The following MAST4 variants were observed in gnomAD, a reference collection of about 807,000 sequenced individuals.
MAST4 encodes microtubule-associated serine/threonine-protein kinase 4.
A neutral mutation model predicts 162.7 loss-of-function variants in MAST4; 89 were observed. The observed-to-expected ratio is 0.55, with a 90% CI of 0.46 to 0.65. The LOEUF (loss-of-function observed/expected upper bound fraction) is 0.65. MAST4 is among the 30% of genes least tolerant of loss of function. MAST4 has a pLI of 0.00. For synonymous variants in MAST4, 1,479 were observed against 1,361.1 expected, an observed-to-expected ratio of 1.09 and a Z score of -1.91; for missense variants, 3,153 against 3,374.0, an observed-to-expected ratio of 0.93 and a Z score of 1.62.
chr5:66,923,500 G>A (rs1446067365), intron 4 of MAST4, among the ~76,000 whole-genome samples: 1 of 152,226 alleles, frequency 6.6e-6, no homozygotes, highest in African/African-American at 2.4e-5. Context: ...CATGCAACTG[G>A]TTGGTGAGGG....
At chr5:66,606,457 G>C (rs1323923870) in intron 1 of MAST4, among the ~76,000 whole-genome samples, 2 of 152,138 alleles carry the variant, frequency 1.3e-5, no homozygotes, top group African/African-American at 4.8e-5. Context: ...AAGGTAGAAA[G>C]TGAGTATAAA....
At chr5:67,039,038 C>G (rs1756392485) in intron 4 of MAST4, among the ~76,000 whole-genome samples, 1 of 152,126 alleles carries the variant, frequency 6.6e-6, no homozygotes, top group African/African-American at 2.4e-5. Context: ...ACCACAAAGC[C>G]AAAGGAATGA....
At chr5:66,810,479 G>A (rs1756423656) in intron 3 of MAST4, among the ~76,000 whole-genome samples, 1 of 152,158 alleles carries the variant, frequency 6.6e-6, no homozygotes, top group South Asian at 2.1e-4. Flanking sequence ...TTGAAGAGTG[G>A]CACACATCTA....
chr5:66,861,147 C>T (rs1341457637), intron 3 of MAST4, among the ~76,000 whole-genome samples: 2 of 152,140 alleles, frequency 1.3e-5, no homozygotes, highest in African/African-American at 4.8e-5. Context: ...ATGGGGGATC[C>T]GAGGTATCAG....
At chr5:66,993,104 TA>T (rs1750231276) in intron 4 of MAST4, among the ~76,000 whole-genome samples, 1 of 152,198 alleles carries the variant, frequency 6.6e-6, no homozygotes, top group African/African-American at 2.4e-5. Context: ...CATTTATTAA[TA>T]AACCTTTTAA....
chr5:67,011,522 C>T (rs1581192602), intron 4 of MAST4, among the ~76,000 whole-genome samples: 1 of 152,330 alleles, frequency 6.6e-6, no homozygotes, highest in East Asian at 1.9e-4. Flanking sequence ...GCTAATATTC[C>T]ATGACGCCGT....
chr5:67,064,839 C>T (rs1389603454), intron 5 of MAST4, among the ~76,000 whole-genome samples: 1 of 152,096 alleles, frequency 6.6e-6, no homozygotes, highest in Non-Finnish European at 1.5e-5. Context: ...AGGAGAAGAA[C>T]TCTTGAAAAA....
At chr5:66,921,452 G>A (rs1764528979) in intron 4 of MAST4, among the ~76,000 whole-genome samples, 1 of 151,994 alleles carries the variant, frequency 6.6e-6, no homozygotes, top group African/African-American at 2.4e-5. Flanking sequence ...TGAAAAAATA[G>A]TACAACTAAA....
At chr5:67,130,185 C>T (rs775539012) in intron 14 of MAST4, 25 bp from the exon 15 acceptor site, 4 of 1,594,394 alleles carry the variant, frequency 2.5e-6, no homozygotes, top group Non-Finnish European at 2.6e-6. Context: ...CTCCTGTCAA[C>T]CCCAATACTT....
At chr5:66,665,727 G>A (rs1747211582) in intron 1 of MAST4, among the ~76,000 whole-genome samples, 1 of 152,058 alleles carries the variant, frequency 6.6e-6, no homozygotes, top group South Asian at 2.1e-4. Flanking sequence ...TTCACTTATT[G>A]GGTGTGGAAT....
intron 3 of MAST4, among the ~76,000 whole-genome samples, chr5:66,799,311 C>T (rs1561339366): frequency 6.6e-6 from 1 of 152,146 alleles, no homozygotes; most frequent in Admixed American, 6.5e-5. Flanking sequence ...CACCCCAATC[C>T]AGGTTACATG....
intron 26 of MAST4, among the ~76,000 whole-genome samples, chr5:67,159,617 T>G (rs1016916033): frequency 6.6e-6 from 1 of 152,184 alleles, no homozygotes; most frequent in Non-Finnish European, 1.5e-5. Context: ...AAGGACAGGT[T>G]TCTCCCCTGG....
At chr5:67,048,263 T>G (rs1439303423) in intron 4 of MAST4, among the ~76,000 whole-genome samples, 1 of 152,166 alleles carries the variant, frequency 6.6e-6, no homozygotes, top group African/African-American at 2.4e-5. Context: ...TAAAATTTGC[T>G]TCAAAGGAAT....
At chr5:67,026,129 G>A (rs1008780191) in intron 4 of MAST4, among the ~76,000 whole-genome samples, 2 of 152,216 alleles carry the variant, frequency 1.3e-5, no homozygotes, top group Non-Finnish European at 1.5e-5. Flanking sequence ...GAGTTTGTAA[G>A]TGTTTTAATG....
chr5:66,597,914 T>G (rs1215625656), intron 1 of MAST4, among the ~76,000 whole-genome samples: 2 of 152,104 alleles, frequency 1.3e-5, no homozygotes, highest in Admixed American at 6.5e-5. Flanking sequence ...AAAAAAAGAT[T>G]GTTTGCTTTG....
At chr5:66,715,399 C>G (rs1453481336) in intron 1 of MAST4, among the ~76,000 whole-genome samples, 1 of 151,600 alleles carries the variant, frequency 6.6e-6, no homozygotes, top group East Asian at 1.9e-4. Flanking sequence ...GCATAAATCT[C>G]AGGAATTTAA....
chr5:66,711,839 C>T (rs986093614), intron 1 of MAST4, among the ~76,000 whole-genome samples: 1 of 151,922 alleles, frequency 6.6e-6, no homozygotes, highest in Non-Finnish European at 1.5e-5. Context: ...TGCCCCCCAC[C>T]CCCCAAAAAA....
chr5:66,840,267 T>G (rs911332308), intron 3 of MAST4, among the ~76,000 whole-genome samples: 1 of 152,196 alleles, frequency 6.6e-6, no homozygotes, highest in South Asian at 2.1e-4. Context: ...ACATTTTTCA[T>G]GATGAGATAG....
intron 19 of MAST4, among the ~76,000 whole-genome samples, chr5:67,139,037 T>A (rs535130264): frequency 6.6e-6 from 1 of 152,208 alleles, no homozygotes; most frequent in South Asian, 2.1e-4. Context: ...TCAGTCTTTT[T>A]AGGGTTTGAC....
Sources: allele counts gnomAD v4.1 joint callset (sites outside exome capture counted in the v4.1 genomes callset), GRCh38; gene constraint gnomAD v4.1.1; transcripts MANE v1.5; gene names NCBI Gene and HGNC (gene_info 2026-07-23, HGNC 2026-07-21).